Variants in MIB1 observed in about 807,000 individuals in gnomAD.
The protein encoded by MIB1 is MIB E3 ubiquitin protein ligase 1, also known as E3 ubiquitin-protein ligase MIB1.
A neutral mutation model predicts 124.5 loss-of-function variants in MIB1; 278 were observed. The observed-to-expected ratio is 2.23, with a 90% confidence interval of 2.02 to 2.47. The LOEUF is 2.47. Among genes scored for constraint, MIB1 ranks in the 30% most tolerant of loss-of-function variants. The pLI, the probability that MIB1 is intolerant of heterozygous loss-of-function variation, is 0.00. For synonymous variants in MIB1, 446 were observed against 429.4 expected, an observed-to-expected ratio of 1.04 and a Z score of -0.48; for missense variants, 957 against 1,254.4, an observed-to-expected ratio of 0.76 and a Z score of 3.58.
upstream of MIB1, chr18:21,704,951 G>A (rs1206212467): frequency 2.3e-5 from 6 of 257,698 alleles, no homozygotes; most frequent in South Asian, 3.2e-4. Context: ...CCGGGAGGGC[G>A]GGCGGACTGG....
chr18:21,811,541 AG>A (rs1386875916), intron 10 of MIB1, among the ~76,000 whole-genome samples: 4 of 152,212 alleles, frequency 2.6e-5, no homozygotes, highest in African/African-American at 9.7e-5. Flanking sequence ...AAACTTAAAA[AG>A]AAAGGAAATT....
At position 21,844,233 on chromosome 18, in the gene MIB1, TG is replaced by T; in HGVS notation, c.2194del (p.Glu732SerfsTer7). On this transcript the variant is annotated frameshift_variant, in exon 15 of 21. Coordinates refer to ENST00000261537, the MANE Select transcript of MIB1 (RefSeq NM_020774.4). LOFTEE classifies it high-confidence loss of function. Reference sequence around the variant, plus strand: ...AGATGTGGGGAAGGTGGATGCTGCCTGGGAGCCATCCAAAAACACGGTGAGT... The same window carrying T: ...AGATGTGGGGAAGGTGGATGCTGCCTGGAGCCATCCAAAAACACGGTGAGT... ...MQDVGKVDAAWEPSKNTLIMG... is the reference protein window; with the variant it reads ...MQDVGKVDAAXEPSKNTLIMG... 6.2e-7 allele frequency: 1 copy of T among 1,614,132 alleles called. No individual in the cohort carries two copies. The highest frequency in any genetic ancestry group is 8.5e-7 in the Non-Finnish European group (1 of 1,180,000).
intron 6 of MIB1, among the ~76,000 whole-genome samples, chr18:21,781,241 A>T (rs1384565176): frequency 6.6e-6 from 1 of 150,614 alleles, no homozygotes; most frequent in Non-Finnish European, 1.5e-5. Flanking sequence ...GAGAGGATTG[A>T]TATTTGTTCT....
rs2040703632 is a variant in MIB1, at chr18:21,719,326, A to G, written n.167+14203A>G. Reference sequence around the variant, plus strand: ...ATTCCAGCCTGAGTGATAGAGTGAGACCTTGTCTGTGAAGAAAAAAAGGAC... The same window carrying G: ...ATTCCAGCCTGAGTGATAGAGTGAGGCCTTGTCTGTGAAGAAAAAAAGGAC... On this transcript the variant is annotated intron_variant and non_coding_transcript_variant, in intron 1 of 20. Transcript: ENST00000578646. Among the ~76,000 whole-genome samples, 3 of 152,064 alleles carry G rather than the reference A, an allele frequency of 2.0e-5. No homozygotes were observed. In the South Asian group the frequency reaches 6.2e-4, roughly 32 times the overall value.
intron 12 of MIB1, among the ~76,000 whole-genome samples, chr18:21,824,830 CTA>C (rs1208175392): frequency 6.6e-6 from 1 of 151,744 alleles, no homozygotes; most frequent in African/African-American, 2.4e-5. Flanking sequence ...ATTAAATTAT[CTA>C]TAGTTTTATT....
At chr18:21,742,652 T>A (rs1410838007) in intron 1 of MIB1, among the ~76,000 whole-genome samples, 1 of 152,236 alleles carries the variant, frequency 6.6e-6, no homozygotes, top group East Asian at 1.9e-4. Flanking sequence ...AAAGGCTTGC[T>A]TTCACAAAAT....
In MIB1 at chr18:21,724,727, A is replaced by AATATATATAT. The variant is rs60650753; in HGVS notation, n.167+19641_167+19650dup. On this transcript the variant is annotated intron_variant and non_coding_transcript_variant, in intron 1 of 20. Coordinates refer to the MIB1 transcript ENST00000578646. ...CTCCCCCATCCAAAAAAAAAAAAAA[A>AATATATATAT]ATATATATATATATATATATATATA... is the stretch of plus-strand genomic sequence containing the variant. Among the ~76,000 whole-genome samples, 50 of 17,352 alleles carry AATATATATAT rather than the reference A, an allele frequency of 2.9e-3. 1 individual carries two copies. The highest frequency in any genetic ancestry group is 3.6e-3 in the Admixed American group (3 of 838). 11.4% of individuals were successfully genotyped at this position (17,352 alleles called of 152,430 possible).
At chr18:21,789,572 T>G (rs542977727) in intron 6 of MIB1, among the ~76,000 whole-genome samples, 20 of 152,100 alleles carry the variant, frequency 1.3e-4, no homozygotes, top group Non-Finnish European at 1.2e-4. Flanking sequence ...TTGCAGAAAT[T>G]GACACACTGA....
chr18:21,773,450 A>G (rs1466795610), intron 3 of MIB1, among the ~76,000 whole-genome samples, 174 bp from the exon 4 acceptor site: 1 of 152,208 alleles, frequency 6.6e-6, no homozygotes, highest in African/African-American at 2.4e-5. Context: ...ATATGGCTCT[A>G]ATGATAATTT....
chr18:21,847,241 T>G, intron 16 of MIB1, 116 bp downstream of exon 16: 1 of 920,982 alleles, frequency 1.1e-6, no homozygotes, highest in South Asian at 1.8e-5. Flanking sequence ...TCCTGTATAT[T>G]TGTGTTGACC....
chr18:21,777,416 CA>C (rs1479672162), intron 4 of MIB1, among the ~76,000 whole-genome samples: 1 of 151,994 alleles, frequency 6.6e-6, no homozygotes, highest in Non-Finnish European at 1.5e-5. Flanking sequence ...CACACACACA[CA>C]AAAAAGAATG....
intron 7 of MIB1, chr18:21,794,066 A>T (rs2041544673): frequency 6.6e-6 from 1 of 152,178 alleles, no homozygotes; most frequent in South Asian, 2.1e-4. Context: ...TCAAAAACAG[A>T]GCAGGTCAAA....
At chr18:21,757,434 AGAGT>A (rs1375491675) in intron 1 of MIB1, among the ~76,000 whole-genome samples, 1 of 110,642 alleles carries the variant, frequency 9.0e-6, no homozygotes, top group Non-Finnish European at 1.8e-5. Flanking sequence ...CCTGGGCTAC[AGAGT>A]GAGACTCTGT....
chr18:21,721,409 G>A (rs371419978), intron 1 of MIB1, among the ~76,000 whole-genome samples: 1 of 151,984 alleles, frequency 6.6e-6, no homozygotes. Flanking sequence ...TTGAACTCCC[G>A]ATCTCAAGTG....
intron 12 of MIB1, among the ~76,000 whole-genome samples, chr18:21,820,015 G>A (rs2041864882): frequency 6.6e-6 from 1 of 152,080 alleles, no homozygotes; most frequent in Non-Finnish European, 1.5e-5. Flanking sequence ...TAAAACTTAA[G>A]ACTAAATAAA....
At chr18:21,777,637 C>T (rs1325771927) in intron 4 of MIB1, among the ~76,000 whole-genome samples, 1 of 152,090 alleles carries the variant, frequency 6.6e-6, no homozygotes, top group Non-Finnish European at 1.5e-5. Context: ...TCACTGCAAC[C>T]TCTGCCTCCC....
intron 11 of MIB1, among the ~76,000 whole-genome samples, chr18:21,816,165 T>G (rs1449500482): frequency 6.6e-6 from 1 of 152,206 alleles, no homozygotes; most frequent in Non-Finnish European, 1.5e-5. Context: ...ACTATTTAAA[T>G]TATTTTAATT....
At chr18:21,864,137 AG>A (rs2042300151) in intron 20 of MIB1, among the ~76,000 whole-genome samples, 2 of 152,140 alleles carry the variant, frequency 1.3e-5, no homozygotes, top group Non-Finnish European at 2.9e-5. Context: ...TTGTCTGCCT[AG>A]AATTTCTCTG....
intron 1 of MIB1, among the ~76,000 whole-genome samples, chr18:21,754,420 C>T (rs549096952): frequency 2.0e-5 from 3 of 152,276 alleles, no homozygotes; most frequent in East Asian, 1.9e-4. Flanking sequence ...AATCTGTCAC[C>T]GTGTCCAGCC....
Sources: gnomAD v4.1 joint callset for allele counts (sites outside exome capture counted in the v4.1 genomes callset) on GRCh38, gnomAD v4.1.1 for gene constraint, MANE v1.5 for transcripts, NCBI Gene and HGNC (gene_info 2026-07-23, HGNC 2026-07-21) for gene names.